The following GLI3 variants were observed in gnomAD, a reference collection of about 807,000 sequenced individuals.
GLI3 encodes the protein GLI family zinc finger 3, also known as transcription activator GLI3.
GLI3 carries 20 observed loss-of-function variants against 100.8 expected under a neutral mutation model. That is an observed-to-expected ratio of 0.20 (90% CI 0.14 to 0.29). The LOEUF is 0.29. Ranked by LOEUF, GLI3 falls within the 10% of genes least tolerant of loss-of-function variation. The pLI is 1.00. For missense variants in GLI3, 2,040 were observed against 2,128.5 expected, an observed-to-expected ratio of 0.96 and a Z score of 0.82; for synonymous variants, 938 against 860.5, an observed-to-expected ratio of 1.09 and a Z score of -1.58.
At chr7:42,200,430 G>C (rs534226839) in intron 2 of GLI3, among the ~76,000 whole-genome samples, 1 of 152,100 alleles carries the variant, frequency 6.6e-6, no homozygotes, top group Non-Finnish European at 1.5e-5. Context: ...AAGTACTTGC[G>C]GAAGAAGAAT....
intron 10 of GLI3, among the ~76,000 whole-genome samples, chr7:42,005,496 C>CACAG (rs10579110): frequency 6.7e-5 from 10 of 148,236 alleles, no homozygotes; most frequent in Admixed American, 2.1e-4. Context: ...CACACACACA[C>CACAG]AGATTCAGAG....
chr7:41,967,729 C>T lies in GLI3; in HGVS notation c.2298G>A (p.Arg766=), dbSNP rs2128707031. 1 of 1,614,198 alleles carries T rather than the reference C, an allele frequency of 6.2e-7. No homozygotes were observed. Among genetic ancestry groups the T allele is most frequent in the Non-Finnish European group, 8.5e-7 (1 of 1,180,044 alleles). The change falls in exon 14 of 15, where the codon AGG becomes AGA. Residue 766 remains arginine, a synonymous_variant. Transcript: ENST00000395925. The stretch of plus-strand genomic sequence containing the variant: ...TCCATTTGGTCCCTGCCGGGTTTCT[C>T]CTGGCTTGCAAAGCAAGGGCTGTGG... The part of the protein sequence containing the change: ...TATTALALQA[R]RNPAGTKWME...
chr7:41,965,730 C>T lies in GLI3; in HGVS notation c.3343G>A (p.Ala1115Thr), dbSNP rs552755211. The T allele has an allele frequency of 1.2e-6, 2 of 1,613,592 alleles. No individual in the cohort carries two copies. The highest frequency in any genetic ancestry group is 1.3e-5 in the African/African-American group (1 of 74,980). Residue 1115 changes from alanine to threonine, a missense_variant, in exon 15 of 15, where the codon GCC becomes ACC. Around this residue, in one of 5 missense-constraint regions of GLI3, gnomAD observed 1,041 missense variants for 924.0 expected, o/e 1.13. Coordinates refer to ENST00000395925, the MANE Select transcript of GLI3 (RefSeq NM_000168.6). ...GGCACTTTGCTGTCGTCCGGGAGGG[C>T]GCTGGGGAAGTGCTGCTCGTACCCT... ...QAGYEQHFPS[A>T]LPDDSKVPHG...
chr7:41,965,896 G>C lies in GLI3; in HGVS notation c.3177C>G (p.Asn1059Lys). Residue 1059 changes from asparagine (N) to lysine (K), a missense_variant, in exon 15 of 15, where the codon AAC becomes AAG. Physicochemically the swap from Asn to Lys is moderately conservative, Grantham distance 94. This residue lies in a region of GLI3 where 1,041 missense variants were observed against 924.0 expected (regional missense o/e 1.13). Coordinates refer to ENST00000395925, the MANE Select transcript of GLI3 (RefSeq NM_000168.6). ...YTRPEGGQSR[N>K]FHSSPCPPSI... ...TGGGAGGACAGGGGGACGAGTGGAA[G>C]TTTCGGGACTGGCCGCCCTCGGGCC... is the stretch of plus-strand genomic sequence containing the variant. 1 of 1,613,752 alleles carries C rather than the reference G, an allele frequency of 6.2e-7. No homozygotes were observed. Among genetic ancestry groups the C allele is most frequent in the East Asian group, 2.2e-5 (1 of 44,860 alleles).
At chr7:42,113,217 T>C (rs2128767367) in intron 3 of GLI3, 1 of 427,538 alleles carries the variant, frequency 2.3e-6, no homozygotes, top group South Asian at 1.8e-5. Flanking sequence ...GATGCTCGTA[T>C]GATGTCTGCA....
intron 3 of GLI3, among the ~76,000 whole-genome samples, chr7:42,121,701 A>T (rs1786004238): frequency 6.6e-6 from 1 of 152,066 alleles, no homozygotes; most frequent in Non-Finnish European, 1.5e-5. Flanking sequence ...TCTTCTTAGA[A>T]ATGCAGGATC....
intron 7 of GLI3, among the ~76,000 whole-genome samples, chr7:42,030,603 A>G (rs995046543): frequency 6.6e-6 from 1 of 151,962 alleles, no homozygotes; most frequent in Admixed American, 6.6e-5. Flanking sequence ...GGTAAATTCT[A>G]TTTTTAGGGG....
intron 10 of GLI3, among the ~76,000 whole-genome samples, chr7:42,012,296 A>C (rs1157897424): frequency 6.6e-6 from 1 of 152,148 alleles, no homozygotes; most frequent in African/African-American, 2.4e-5. Context: ...CCTCGTTATT[A>C]ATCTTTCCTC....
chr7:42,050,999 C>G (rs946847716), intron 4 of GLI3, among the ~76,000 whole-genome samples: 2 of 152,172 alleles, frequency 1.3e-5, no homozygotes, highest in African/African-American at 2.4e-5. Context: ...AAAAGTCTAT[C>G]AAGTCTGATG....
intron 14 of GLI3, among the ~76,000 whole-genome samples, chr7:41,967,183 T>C (rs1483027184): frequency 1.3e-5 from 2 of 152,208 alleles, no homozygotes; most frequent in African/African-American, 4.8e-5. Context: ...AAGTGCAAAC[T>C]GACCTGGGGA....
At chr7:42,136,545 C>T (rs1010688557) in intron 3 of GLI3, among the ~76,000 whole-genome samples, 4 of 152,188 alleles carry the variant, frequency 2.6e-5, no homozygotes, top group Non-Finnish European at 4.4e-5. Flanking sequence ...TCCTCCAAAA[C>T]ATGGGGGTAC....
chr7:41,998,003 C>T (rs1301997087), intron 10 of GLI3, among the ~76,000 whole-genome samples: 2 of 152,176 alleles, frequency 1.3e-5, no homozygotes, highest in Non-Finnish European at 2.9e-5. Flanking sequence ...ATGCCGGCTG[C>T]ACACTTAAAA....
chr7:42,244,170 G>T (rs964525037), intron 1 of GLI3, among the ~76,000 whole-genome samples: 4 of 152,118 alleles, frequency 2.6e-5, no homozygotes, highest in African/African-American at 9.7e-5. Context: ...ATATACAAAG[G>T]CACCAGATTA....
intron 11 of GLI3, 122 bp from the exon 12 acceptor site, chr7:41,977,844 G>GA: frequency 1.2e-6 from 1 of 863,404 alleles, no homozygotes; most frequent in Non-Finnish European, 2.0e-6. Flanking sequence ...CAAAACCCAG[G>GA]AACAAAAAGT....
At chr7:42,037,235 TAGTC>T (rs373422435) in intron 7 of GLI3, among the ~76,000 whole-genome samples, 363 of 152,328 alleles carry the variant, frequency 2.4e-3, no homozygotes, top group South Asian at 5.8e-3. Context: ...CCTGCCCTGT[TAGTC>T]AGCATGTCGC....
intron 3 of GLI3, among the ~76,000 whole-genome samples, chr7:42,100,579 A>T (rs909136035): frequency 4.4e-4 from 49 of 110,196 alleles, no homozygotes; most frequent in African/African-American, 6.7e-4. Context: ...CTACAAACAT[A>T]AAAAAAAAAA....
At chr7:42,220,561 A>C (rs919572751) in intron 2 of GLI3, among the ~76,000 whole-genome samples, 1 of 152,214 alleles carries the variant, frequency 6.6e-6, no homozygotes, top group Non-Finnish European at 1.5e-5. Context: ...ACCAGGTTGC[A>C]GAAGAAAGGG....
rs34658310 is a variant in GLI3, at chr7:41,967,388, A to AT, written c.2431+207dup. The stretch of plus-strand genomic sequence containing the variant: ...CAGAATATGAGTCATGCACAGTCAC[A>AT]TTTTTTTCTCAATATTATCCTGTTC... On this transcript the variant is annotated intron_variant, in intron 14 of 14. Coordinates refer to ENST00000395925, the MANE Select transcript of GLI3 (RefSeq NM_000168.6). 0.25 allele frequency among the ~76,000 whole-genome samples: 38,174 copies of AT among 151,962 alleles called. 5,798 individuals are homozygous for AT. The highest frequency in any genetic ancestry group is 0.33 in the Non-Finnish European group (22,701 of 67,964).
chr7:42,073,254 C>A (rs10266986), intron 4 of GLI3, among the ~76,000 whole-genome samples: 1 of 152,228 alleles, frequency 6.6e-6, no homozygotes, highest in East Asian at 1.9e-4. Context: ...CACTGCCTAA[C>A]CATAAACTGT....
Sources: allele counts gnomAD v4.1 joint callset (sites outside exome capture counted in the v4.1 genomes callset), GRCh38; gene constraint gnomAD v4.1.1; regional missense constraint gnomAD v4.1.1; transcripts MANE v1.5; gene names NCBI Gene and HGNC (gene_info 2026-07-23, HGNC 2026-07-21).